PAH: variants seen among roughly 807,000 people sequenced by gnomAD.
The protein encoded by PAH is phenylalanine-4-hydroxylase.
A neutral mutation model predicts 62.0 loss-of-function variants in PAH; 64 were observed. That is an observed-to-expected ratio of 1.03 (90% CI 0.84 to 1.27). PAH has a LOEUF of 1.27. Among genes scored for constraint, PAH ranks in the 50% most tolerant of loss-of-function variants. The pLI is 0.00. For missense variants in PAH, 579 were observed against 542.8 expected (o/e 1.07, Z -0.66); for synonymous variants, 195 against 196.2 (o/e 0.99, Z 0.05).
intron 3 of PAH, among the ~76,000 whole-genome samples, chr12:102,887,161 AAAGG>A (rs1235142551): frequency 6.6e-6 from 1 of 152,146 alleles, no homozygotes; most frequent in Non-Finnish European, 1.5e-5. Flanking sequence ...GGTACAAGAG[AAAGG>A]AAGATGAGAA....
At chr12:102,874,216 A>C (rs551541695) in intron 4 of PAH, among the ~76,000 whole-genome samples, 1 of 152,336 alleles carries the variant, frequency 6.6e-6, no homozygotes, top group East Asian at 1.9e-4. Flanking sequence ...GCAAGAAAAA[A>C]CATGTCAGGT....
intron 4 of PAH, among the ~76,000 whole-genome samples, chr12:102,867,817 T>TTC (rs773434248): frequency 2.6e-3 from 366 of 140,652 alleles, no homozygotes; most frequent in Middle Eastern, 0.011. Context: ...CTCTCTCTCT[T>TTC]TCTCTCTCTC....
intron 4 of PAH, among the ~76,000 whole-genome samples, chr12:102,873,738 A>C (rs1169509333): frequency 1.3e-5 from 2 of 152,184 alleles, no homozygotes; most frequent in African/African-American, 4.8e-5. Context: ...ACTCACGATA[A>C]GATAATGTTG....
At position 102,838,871 on chromosome 12, in the gene PAH, G is replaced by T. The variant is rs1239779660; in HGVS notation, c.*304C>A. 9 of 430,766 alleles carry T rather than the reference G, an allele frequency of 2.1e-5. No individual in the cohort carries two copies. The highest frequency in any genetic ancestry group is 4.5e-5 in the East Asian group (1 of 22,364). 26.7% of individuals were successfully genotyped at this position (430,766 alleles called of 1,614,324 possible). A position where few individuals can be genotyped will look rare whatever the true frequency, so the allele number is the denominator to read the frequency against. On this transcript the variant is annotated 3_prime_UTR_variant, in exon 13 of 13. Coordinates refer to ENST00000553106, the MANE Select transcript of PAH (RefSeq NM_000277.3). ...CATATATGAAGCTTGAATGAAGCAGGTCCCAAATTTTAATTAATCTTGATG... is the reference window on the plus strand; with the variant it reads ...CATATATGAAGCTTGAATGAAGCAGTTCCCAAATTTTAATTAATCTTGATG...
rs372535249 is a variant in PAH, at chr12:102,846,992, T to C, written c.913-41A>G. The C allele has an allele frequency of 1.0e-5, 16 of 1,569,666 alleles. No homozygotes were observed. In the African/African-American group the frequency reaches 2.0e-4, roughly 20 times the overall value. On this transcript the variant is annotated intron_variant, in intron 8 of 12. Coordinates refer to ENST00000553106, the MANE Select transcript of PAH (RefSeq NM_000277.3). ...AATAGAACCTGTTCTGTTCCTGTAA[T>C]TGGAACCACAGAACCAACCTAGTAC...
chr12:102,850,889 G>C (rs1213538133), intron 8 of PAH, among the ~76,000 whole-genome samples: 1 of 152,054 alleles, frequency 6.6e-6, no homozygotes, highest in African/African-American at 2.4e-5. Flanking sequence ...TTTGAGGTCA[G>C]CCTCAGCAAT....
At chr12:102,881,959 T>G (rs1278708916) in intron 3 of PAH, among the ~76,000 whole-genome samples, 1 of 152,178 alleles carries the variant, frequency 6.6e-6, no homozygotes, top group Non-Finnish European at 1.5e-5. Flanking sequence ...TGATTTCATT[T>G]CCTTTGAGTA....
In PAH at chr12:102,917,073, G is replaced by A. The variant is rs199475585; in HGVS notation, c.58C>T (p.Gln20Ter). The A allele has an allele frequency of 2.5e-6, 4 of 1,614,196 alleles. No individual in the cohort carries two copies. Among genetic ancestry groups the A allele is most frequent in the Non-Finnish European group, 3.4e-6 (4 of 1,179,998 alleles). The change falls in exon 1 of 13, where the codon CAG becomes TAG. Residue 20 changes from glutamine (Q) to a stop codon, truncating the protein, a stop_gained and splice_region_variant. Transcript: ENST00000553106. LOFTEE classifies it high-confidence loss of function. The stretch of plus-strand genomic sequence containing the variant: ...CAGCTCAGGCTGCCGTGGCTCACCT[G>A]TCCAAAGTCAGAGAGTTTCCTGCCC... The part of the protein sequence containing the change: ...GLGRKLSDFG[Q>*]ETSYIEDNCN...
intron 1 of PAH, among the ~76,000 whole-genome samples, chr12:102,916,084 C>T (rs528472189): frequency 2.6e-4 from 39 of 152,238 alleles, no homozygotes; most frequent in Middle Eastern, 3.4e-3. Context: ...CTGACTCTCA[C>T]GCTGTTCCTC....
intron 5 of PAH, among the ~76,000 whole-genome samples, chr12:102,858,732 A>G (rs187135603): frequency 6.6e-6 from 1 of 152,372 alleles, no homozygotes; most frequent in African/African-American, 2.4e-5. Context: ...TCCTGGGTAC[A>G]TAACGAAATG....
intron 1 of PAH, among the ~76,000 whole-genome samples, chr12:102,935,123 C>T (rs559845031): frequency 6.6e-5 from 10 of 152,152 alleles, no homozygotes; most frequent in Non-Finnish European, 1.0e-4. Flanking sequence ...TGAATTTTAT[C>T]CAATGCTTTT....
chr12:102,945,182 C>G (rs1879445442), intron 1 of PAH: 1 of 152,416 alleles, frequency 6.6e-6, no homozygotes, highest in Non-Finnish European at 1.5e-5. Flanking sequence ...GACACAAGCA[C>G]CCCTGTGGTC....
intron 5 of PAH, among the ~76,000 whole-genome samples, chr12:102,857,257 G>T (rs1189860183): frequency 6.6e-6 from 1 of 151,274 alleles, no homozygotes; most frequent in Non-Finnish European, 1.5e-5. Flanking sequence ...ATGAAATGAA[G>T]TGAGAAGTTT....
chr12:102,940,406 C>T lies in PAH; in HGVS notation c.-96+10183G>A, dbSNP rs377235578. Among the ~76,000 whole-genome samples the T allele has an allele frequency of 5.3e-5, 8 of 151,366 alleles. 1 individual carries two copies. The highest frequency in any genetic ancestry group is 3.4e-3 in the Middle Eastern group (1 of 294). On this transcript the variant is annotated intron_variant, in intron 1 of 3. Coordinates refer to the PAH transcript ENST00000546844. ...ATAGAGATTCAGGAGAAAGCTGAAA[C>T]CCAATCCAAAGAATCTAAGGAATTC...
intron 6 of PAH, 126 bp downstream of exon 6, chr12:102,855,010 C>T (rs1187500412): frequency 1.4e-5 from 11 of 792,818 alleles, no homozygotes; most frequent in Non-Finnish European, 2.4e-5. Flanking sequence ...AGGAATCAAC[C>T]TGCATGCATT....
intron 1 of PAH, chr12:102,914,041 C>T: frequency 1.9e-6 from 1 of 521,116 alleles, no homozygotes; most frequent in Non-Finnish European, 3.4e-6. Context: ...TGTTAGGAAA[C>T]TCTTAGTGAC....
intron 1 of PAH, among the ~76,000 whole-genome samples, chr12:102,949,589 C>T (rs1879658086): frequency 6.6e-6 from 1 of 152,192 alleles, no homozygotes; most frequent in Non-Finnish European, 1.5e-5. Flanking sequence ...CTTTTCATTG[C>T]ACCTAACAGT....
At chr12:102,920,267 G>T (rs192091216), upstream of PAH, among the ~76,000 whole-genome samples, 68 of 152,316 alleles carry the variant, frequency 4.5e-4, no homozygotes, top group African/African-American at 1.5e-3. Flanking sequence ...GTTCAATTTG[G>T]TTGGAATGCA....
chr12:102,846,852 C>A lies in PAH; in HGVS notation c.969+43G>T, dbSNP rs1522306. 0.4 allele frequency: 609,843 copies of A among 1,529,866 alleles called. 127,061 individuals are homozygous for A. The highest frequency in any genetic ancestry group is 0.43 in the Non-Finnish European group (474,204 of 1,103,558). 94.8% of individuals were successfully genotyped at this position (1,529,866 alleles called of 1,614,324 possible). ...AGTTTCAAAGACCTGAGGGCCATAG[C>A]CTATAGCACTCCACCATCCACCCAG... On this transcript the variant is annotated intron_variant, in intron 9 of 12. Transcript: ENST00000553106.
Sources: allele counts gnomAD v4.1 joint callset (sites outside exome capture counted in the v4.1 genomes callset), GRCh38; gene constraint gnomAD v4.1.1; transcripts MANE v1.5; gene names NCBI Gene and HGNC (gene_info 2026-07-23, HGNC 2026-07-21).